The following COX7B variants were observed in gnomAD, a reference collection of about 807,000 sequenced individuals.
COX7B encodes cytochrome c oxidase subunit 7B, mitochondrial.
A neutral mutation model predicts 7.9 loss-of-function variants in COX7B; 2 were observed. The ratio of observed to expected loss-of-function variants is 0.25; its 90% CI spans 0.10 to 0.79. COX7B has a LOEUF of 0.79. Among genes scored for constraint, COX7B ranks in the 30% least tolerant of loss-of-function variants. The pLI, the probability that COX7B is intolerant of heterozygous loss-of-function variation, is 0.69. For missense variants in COX7B, 54 were observed against 62.7 expected, an observed-to-expected ratio of 0.86 and a Z score of 0.47; for synonymous variants, 19 against 21.1, an observed-to-expected ratio of 0.90 and a Z score of 0.27.
intron 1 of COX7B, among the ~76,000 whole-genome samples, chrX:77,902,093 A>G (rs1393871161): frequency 8.9e-6 from 1 of 111,875 alleles, no homozygotes; most frequent in Non-Finnish European, 1.9e-5. Flanking sequence ...TTGTTACTGT[A>G]GTAATTTTAC....
In COX7B at chrX:77,905,416, T is replaced by A; in HGVS notation, c.*155T>A. 2.4e-6 allele frequency: 1 copy of A among 416,916 alleles called. No individual in the cohort carries two copies. The highest frequency in any genetic ancestry group is 4.2e-6 in the Non-Finnish European group (1 of 237,019). The allele number at this position is 416,916 out of a possible 1,213,427, so 34.4% of individuals were successfully genotyped here. ...GGTTTTGTTTCTTTGTAAATGAAAC[T>A]AAGCTTGATCACTTTAGCCTTTATG... On this transcript the variant is annotated 3_prime_UTR_variant, in exon 3 of 3. Coordinates refer to ENST00000650309, the MANE Select transcript of COX7B (RefSeq NM_001866.3).
chrX:77,900,596 G>T (rs1557220577), intron 1 of COX7B, among the ~76,000 whole-genome samples: 1 of 112,452 alleles, frequency 8.9e-6, no homozygotes, highest in Non-Finnish European at 1.9e-5. Context: ...TATTTAGTTT[G>T]TTTAGCCATC....
chrX:77,903,028 GTT>G (rs781818450), intron 2 of COX7B: 146 of 147,004 alleles, frequency 9.9e-4, no homozygotes, highest in Middle Eastern at 2.4e-3. Context: ...TTTTGTTTTT[GTT>G]TTTTTTTTTT....
In COX7B at chrX:77,902,741, A is replaced by T. The variant is rs2077123920; in HGVS notation, c.139A>T (p.Thr47Ser). 8.3e-7 allele frequency: 1 copy of T among 1,208,561 alleles called. No individual in the cohort carries two copies. The highest frequency in any genetic ancestry group is 2.2e-5 in the Admixed American group (1 of 45,977). Residue 47 changes from threonine (T) to serine (S), a missense_variant, in exon 2 of 3, where the codon ACT becomes TCT. Physicochemically the swap from Thr to Ser is moderately conservative, Grantham distance 58. Coordinates refer to ENST00000650309, the MANE Select transcript of COX7B (RefSeq NM_001866.3). ...TAATGCTGTATTAGCTAGTGGAGCC[A>T]CTTTCTGTATTGTTACATGGACATA... ...YGNAVLASGA[T>S]FCIVTWTYVA... is the part of the protein sequence containing the mutation.
At chrX:77,904,336 CT>C (rs1210059135) in intron 2 of COX7B, among the ~76,000 whole-genome samples, 14 of 109,691 alleles carry the variant, frequency 1.3e-4, no homozygotes, top group African/African-American at 4.3e-4. Context: ...TTGTTTTGAT[CT>C]TCCTGAAATC....
At chrX:77,904,333 G>C (rs961748271) in intron 2 of COX7B, among the ~76,000 whole-genome samples, 1 of 109,461 alleles carries the variant, frequency 9.1e-6, no homozygotes, top group African/African-American at 3.3e-5. Context: ...TTTTTGTTTT[G>C]ATCTTCCTGA....
intron 1 of COX7B, among the ~76,000 whole-genome samples, chrX:77,901,108 C>T (rs1445104291): frequency 1.8e-5 from 2 of 111,062 alleles, no homozygotes; most frequent in East Asian, 2.8e-4. Context: ...ATTTGCCTAT[C>T]CCGGTGTGAC....
Position 77,905,273 on chromosome X carries a change from G to T in COX7B, c.*12G>T, listed in dbSNP as rs1557221027. The T allele has an allele frequency of 8.5e-7, 1 of 1,176,933 alleles. No homozygotes were observed. The stretch of plus-strand genomic sequence containing the variant: ...GGAGGAATCAGTAATCATCCCAGCT[G>T]GTGTAATAATGAATTGTTTAAAAAA... On this transcript the variant is annotated 3_prime_UTR_variant, in exon 3 of 3. Transcript: ENST00000650309.
At chrX:77,902,860 A>G in intron 2 of COX7B, 93 bp downstream of exon 2, 1 of 871,569 alleles carries the variant, frequency 1.1e-6, no homozygotes, top group Non-Finnish European at 1.6e-6. Context: ...GTACATATCT[A>G]GTTAGGAGGG....
In COX7B at chrX:77,905,455, C is replaced by T. The variant is rs1428323849; in HGVS notation, c.*194C>T. On this transcript the variant is annotated 3_prime_UTR_variant, in exon 3 of 3. Transcript: ENST00000650309. The stretch of plus-strand genomic sequence containing the variant: ...TTAGCCTTTATGTTAATATTAAAGT[C>T]AAATGCTGTGCAGCTTCTTAAATAG... 6 of 172,551 alleles carry T rather than the reference C, an allele frequency of 3.5e-5. No individual in the cohort carries two copies. In the East Asian group the frequency reaches 8.7e-4, roughly 25 times the overall value. 14.2% of individuals were successfully genotyped at this position (172,551 alleles called of 1,213,427 possible).
Position 77,900,128 on chromosome X carries a change from A to C in COX7B, c.40+535A>C, listed in dbSNP as rs1045145568. 3.6e-5 allele frequency among the ~76,000 whole-genome samples: 4 copies of C among 111,844 alleles called. No homozygotes were observed. In the Admixed American group the frequency reaches 3.8e-4, roughly 11 times the overall value. On this transcript the variant is annotated intron_variant, in intron 1 of 2. Coordinates refer to ENST00000650309, the MANE Select transcript of COX7B (RefSeq NM_001866.3). The stretch of plus-strand genomic sequence containing the variant: ...ACACTTGTAATCCCAGCACTTTGGG[A>C]GGCCAAGGCGGGCGGATCCCCTGAG...
In COX7B at chrX:77,899,489, G is replaced by A. The variant is rs1177536032; in HGVS notation, c.-65G>A. ...TTTTGTTTTTCAGCTCACTTCAAGGGTACCTGAAGCGAATTGGCACCAAAG... is the reference window on the plus strand; with the variant it reads ...TTTTGTTTTTCAGCTCACTTCAAGGATACCTGAAGCGAATTGGCACCAAAG... On this transcript the variant is annotated 5_prime_UTR_variant, in exon 1 of 3. Coordinates refer to ENST00000650309, the MANE Select transcript of COX7B (RefSeq NM_001866.3). 3.5e-6 allele frequency: 4 copies of A among 1,146,213 alleles called. No homozygotes were observed. The highest frequency in any genetic ancestry group is 6.0e-5 in the East Asian group (2 of 33,493). The allele number at this position is 1,146,213 out of a possible 1,213,427, so 94.5% of individuals were successfully genotyped here. A position where few individuals can be genotyped will look rare whatever the true frequency, so the allele number is the denominator to read the frequency against.
Position 77,906,049 on chromosome X carries a change from T to C in COX7B, c.*788T>C, listed in dbSNP as rs1170433487. The C allele has an allele frequency of 8.9e-6, 1 of 112,318 alleles. No individual in the cohort carries two copies. Among genetic ancestry groups the C allele is most frequent in the Non-Finnish European group, 1.9e-5 (1 of 53,334 alleles). 9.3% of individuals were successfully genotyped at this position (112,318 alleles called of 1,213,427 possible). On this transcript the variant is annotated 3_prime_UTR_variant, in exon 3 of 3. Coordinates refer to ENST00000650309, the MANE Select transcript of COX7B (RefSeq NM_001866.3). ...ATCCGCCTGCCTTGGCCTCCCAAAG[T>C]GGTAGGATTACAGGCGTGAGCCACG...
At chrX:77,902,579 A>G (rs183639243) in intron 1 of COX7B, 64 bp from the exon 2 acceptor site, 2 of 1,148,192 alleles carry the variant, frequency 1.7e-6, no homozygotes, top group East Asian at 3.0e-5. Flanking sequence ...TATCAATCAC[A>G]TATGTTTTCT....
In COX7B at chrX:77,905,443, T is replaced by A; in HGVS notation, c.*182T>A. 6.0e-6 allele frequency: 2 copies of A among 335,435 alleles called. No homozygotes were observed. The highest frequency in any genetic ancestry group is 1.0e-5 in the Non-Finnish European group (2 of 191,228). The allele number at this position is 335,435 out of a possible 1,213,427, so 27.6% of individuals were successfully genotyped here. A position where few individuals can be genotyped will look rare whatever the true frequency, so the allele number is the denominator to read the frequency against. On this transcript the variant is annotated 3_prime_UTR_variant, in exon 3 of 3. Coordinates refer to ENST00000650309, the MANE Select transcript of COX7B (RefSeq NM_001866.3). ...AGCTTGATCACTTTAGCCTTTATGT[T>A]AATATTAAAGTCAAATGCTGTGCAG...
chrX:77,899,506 G>C lies in COX7B; in HGVS notation c.-48G>C, dbSNP rs1232372681. The C allele has an allele frequency of 3.3e-6, 4 of 1,197,925 alleles. No individual in the cohort carries two copies. The highest frequency in any genetic ancestry group is 5.9e-5 in the East Asian group (2 of 33,722). ...CTTCAAGGGTACCTGAAGCGAATTGGCACCAAAGCAGCAGCTGTATTGCCG... is the reference window on the plus strand; with the variant it reads ...CTTCAAGGGTACCTGAAGCGAATTGCCACCAAAGCAGCAGCTGTATTGCCG... On this transcript the variant is annotated 5_prime_UTR_variant, in exon 1 of 3. Transcript: ENST00000650309.
At chrX:77,903,922 T>C (rs1421293065) in intron 2 of COX7B, among the ~76,000 whole-genome samples, 10 of 108,884 alleles carry the variant, frequency 9.2e-5, no homozygotes, top group Admixed American at 2.0e-4. Flanking sequence ...TTTTTTTTTT[T>C]TGTTTTGTTT....
intron 1 of COX7B, among the ~76,000 whole-genome samples, chrX:77,899,931 C>T (rs2077116305): frequency 8.9e-6 from 1 of 112,010 alleles, no homozygotes; most frequent in Admixed American, 9.5e-5. Context: ...TATGTTTACT[C>T]CTAACCCTGT....
intron 2 of COX7B, among the ~76,000 whole-genome samples, chrX:77,903,747 C>T (rs1258279199): frequency 9.0e-6 from 1 of 110,952 alleles, no homozygotes; most frequent in Non-Finnish European, 1.9e-5. Context: ...CTTCACTTAA[C>T]AATTTTTCTT....
Sources: gnomAD v4.1 joint callset for allele counts (sites outside exome capture counted in the v4.1 genomes callset) on GRCh38, gnomAD v4.1.1 for gene constraint, MANE v1.5 for transcripts, NCBI Gene and HGNC (gene_info 2026-07-23, HGNC 2026-07-21) for gene names.